SNX29: variants seen among roughly 807,000 people sequenced by gnomAD.
The protein encoded by SNX29 is sorting nexin-29.
SNX29 carries 78 observed loss-of-function variants against 102.1 expected under a neutral mutation model. The observed-to-expected ratio is 0.76, with a 90% CI of 0.64 to 0.92. The LOEUF is 0.92. SNX29 is among the 40% of genes least tolerant of loss of function. The pLI is 0.00. For missense variants in SNX29, 1,280 were observed against 1,061.7 expected (o/e 1.21, Z -2.86); for synonymous variants, 580 against 414.5 (o/e 1.40, Z -4.85).
chr16:12,247,653 G>T lies in SNX29; in HGVS notation c.1679-30280G>T, dbSNP rs117803360. ...CTGCATTTCGTAGTGGCATGACCCA[G>T]TGGAGGATTTCAATGTGGTTTAGTT... On this transcript the variant is annotated intron_variant, in intron 14 of 20. Transcript: ENST00000566228. Among the ~76,000 whole-genome samples the T allele has an allele frequency of 3.4e-4, 52 of 152,348 alleles. No individual in the cohort carries two copies. In the East Asian group the frequency reaches 8.7e-3, roughly 25 times the overall value.
intron 15 of SNX29, among the ~76,000 whole-genome samples, chr16:12,330,174 G>A (rs2081253061): frequency 6.6e-6 from 1 of 152,176 alleles, no homozygotes; most frequent in Non-Finnish European, 1.5e-5. Flanking sequence ...AGTTGGCCTG[G>A]TGCCTGGGAC....
At chr16:12,058,877 C>T (rs566665409) in intron 8 of SNX29, among the ~76,000 whole-genome samples, 8 of 149,520 alleles carry the variant, frequency 5.4e-5, no homozygotes, top group South Asian at 4.3e-4. Context: ...CTGCAGCCCT[C>T]GACCTCCCAG....
intron 20 of SNX29, among the ~76,000 whole-genome samples, chr16:12,538,468 T>G (rs1411958647): frequency 6.6e-6 from 1 of 152,198 alleles, no homozygotes; most frequent in African/African-American, 2.4e-5. Context: ...GTATCTCCTA[T>G]GTTGATGCTG....
At chr16:12,029,340 A>G (rs1234118913) in intron 4 of SNX29, among the ~76,000 whole-genome samples, 1 of 152,178 alleles carries the variant, frequency 6.6e-6, no homozygotes, top group Non-Finnish European at 1.5e-5. Context: ...CTGAGGTACC[A>G]TATACCAGGA....
chr16:12,408,145 C>CAGG (rs79104870), intron 18 of SNX29, among the ~76,000 whole-genome samples: 4,435 of 146,740 alleles, frequency 0.03, 153 homozygotes, highest in East Asian at 0.18. Context: ...GGTGGCAGAG[C>CAGG]AGGACCCTTC....
At chr16:12,442,606 A>G (rs1019891055) in intron 18 of SNX29, among the ~76,000 whole-genome samples, 2 of 149,074 alleles carry the variant, frequency 1.3e-5, no homozygotes, top group Non-Finnish European at 3.0e-5. Context: ...TTTTTTTGAT[A>G]TAGGGTCTCA....
chr16:12,188,290 A>T (rs1393521223), intron 13 of SNX29, among the ~76,000 whole-genome samples: 1 of 152,244 alleles, frequency 6.6e-6, no homozygotes, highest in African/African-American at 2.4e-5. Flanking sequence ...ATCCCATTTT[A>T]TAAATGCTAA....
chr16:12,458,169 A>G (rs542218715), intron 18 of SNX29, among the ~76,000 whole-genome samples: 1 of 152,342 alleles, frequency 6.6e-6, no homozygotes, highest in South Asian at 2.1e-4. Flanking sequence ...CACGTGGAGA[A>G]ACCTCAGGCC....
chr16:12,157,994 A>G (rs2055625093), intron 13 of SNX29, among the ~76,000 whole-genome samples: 2 of 151,966 alleles, frequency 1.3e-5, no homozygotes, highest in African/African-American at 4.8e-5. Flanking sequence ...TATAATTCAC[A>G]TTACATCACA....
chr16:12,475,828 A>G (rs1279749775), intron 18 of SNX29, among the ~76,000 whole-genome samples: 1 of 152,356 alleles, frequency 6.6e-6, no homozygotes, highest in Non-Finnish European at 1.5e-5. Context: ...AGCCTAAGTG[A>G]GGGACTGTCT....
intron 19 of SNX29, among the ~76,000 whole-genome samples, chr16:12,524,113 C>A (rs974170754): frequency 3.3e-5 from 5 of 152,118 alleles, no homozygotes; most frequent in African/African-American, 2.4e-5. Flanking sequence ...CTCAAACTCC[C>A]AGCCTCAGGT....
At chr16:12,319,514 T>G (rs2080858770) in intron 15 of SNX29, among the ~76,000 whole-genome samples, 1 of 152,172 alleles carries the variant, frequency 6.6e-6, no homozygotes, top group Admixed American at 6.5e-5. Flanking sequence ...ATCCCACCTC[T>G]TCAGAGACAC....
At chr16:12,552,260 C>T (rs528417621) in intron 20 of SNX29, among the ~76,000 whole-genome samples, 32 of 152,136 alleles carry the variant, frequency 2.1e-4, no homozygotes, top group African/African-American at 3.6e-4. Flanking sequence ...CCTAGGGGCT[C>T]GTAAGCCCTG....
chr16:12,491,737 T>A (rs1183966701), intron 19 of SNX29, among the ~76,000 whole-genome samples: 3 of 151,964 alleles, frequency 2.0e-5, no homozygotes, highest in Non-Finnish European at 4.4e-5. Flanking sequence ...TGTCCATGTG[T>A]TCTCATTGTT....
chr16:12,332,238 G>A (rs562106796), intron 15 of SNX29, among the ~76,000 whole-genome samples: 15 of 152,052 alleles, frequency 9.9e-5, no homozygotes, highest in African/African-American at 3.1e-4. Flanking sequence ...GTGCACTTGC[G>A]TCCTTGTGTG....
Position 12,524,797 on chromosome 16 carries a change from C to G in SNX29, c.2274C>G (p.Ala758=), listed in dbSNP as rs2090236455. ...TCCAGATGGTCCCCGAGTTCGCTGC[C>G]AGCCCCAAGAAGGAGACCCTCATCC... ...KVIQMVPEFA[A]SPKKETLIQL... The change falls in exon 20 of 21, where the codon GCC becomes GCG. Residue 758 remains alanine, a synonymous_variant. Transcript: ENST00000566228. The G allele has an allele frequency of 2.5e-6, 4 of 1,613,678 alleles. No homozygotes were observed. Among genetic ancestry groups the G allele is most frequent in the African/African-American group, 1.3e-5 (1 of 74,854 alleles).
chr16:12,331,071 T>G (rs560067910), intron 15 of SNX29, among the ~76,000 whole-genome samples: 2 of 152,352 alleles, frequency 1.3e-5, no homozygotes, highest in East Asian at 3.9e-4. Context: ...TGTCTGTGTT[T>G]GGAAGGGGGC....
At chr16:12,125,618 T>C (rs1208504412) in intron 11 of SNX29, among the ~76,000 whole-genome samples, 13 of 56,830 alleles carry the variant, frequency 2.3e-4, no homozygotes, top group Admixed American at 8.8e-4. Flanking sequence ...TTTTTTTTTT[T>C]TTTTTTTTTT....
intron 19 of SNX29, among the ~76,000 whole-genome samples, chr16:12,483,114 G>GTT (rs574090459): frequency 0.021 from 1,366 of 66,166 alleles, 229 homozygotes; most frequent in Middle Eastern, 0.024. Flanking sequence ...AAGTTATTAA[G>GTT]TTTTTTTTTT....
Sources: allele counts gnomAD v4.1 joint callset (sites outside exome capture counted in the v4.1 genomes callset), GRCh38; gene constraint gnomAD v4.1.1; transcripts MANE v1.5; gene names NCBI Gene and HGNC (gene_info 2026-07-23, HGNC 2026-07-21).